Variants in AHCYL2 observed in about 807,000 individuals in gnomAD.
The protein encoded by AHCYL2 is adenosylhomocysteinase like 2, also known as S-adenosylhomocysteine hydrolase-like protein 2.
Under a neutral mutation model 81.4 loss-of-function variants are expected in AHCYL2, and 28 were observed. The ratio of observed to expected loss-of-function variants is 0.34; its 90% CI spans 0.25 to 0.47. The LOEUF (loss-of-function observed/expected upper bound fraction) is 0.47. Ranked by LOEUF, AHCYL2 falls within the 20% of genes least tolerant of loss-of-function variation. AHCYL2 has a pLI of 1.00. For synonymous variants in AHCYL2, 272 were observed against 290.2 expected (o/e 0.94, Z 0.64); for missense variants, 551 against 785.1 (o/e 0.70, Z 3.56).
rs1797477852 is a variant in AHCYL2, at chr7:129,429,136, T to A, written c.*2091T>A. 2 of 152,214 alleles carry A rather than the reference T, an allele frequency of 1.3e-5. No homozygotes were observed. The highest frequency in any genetic ancestry group is 4.8e-5 in the African/African-American group (2 of 41,458). 9.4% of individuals were successfully genotyped at this position (152,214 alleles called of 1,614,324 possible). ...ACTTAAAGAGTACATTCTGCCTTGC[T>A]GTAGTGAAGAGACCCACTCCAAATA... On this transcript the variant is annotated 3_prime_UTR_variant, in exon 17 of 17. Coordinates refer to ENST00000325006, the MANE Select transcript of AHCYL2 (RefSeq NM_015328.4).
At chr7:129,422,713 G>T (rs958770639) in intron 12 of AHCYL2, 127 bp from the exon 13 acceptor site, 2 of 729,074 alleles carry the variant, frequency 2.7e-6, no homozygotes, top group Admixed American at 2.3e-5. Context: ...CACAGGACAG[G>T]TATTCTCCAT....
intron 1 of AHCYL2, among the ~76,000 whole-genome samples, chr7:129,322,680 C>T (rs549800329): frequency 6.6e-6 from 1 of 152,292 alleles, no homozygotes. Flanking sequence ...CAGCCTCTGC[C>T]TCCTGGGCTC....
Position 129,406,372 on chromosome 7 carries a change from C to A in AHCYL2, c.1207-6C>A. 6.2e-7 allele frequency: 1 copy of A among 1,613,810 alleles called. No individual in the cohort carries two copies. The highest frequency in any genetic ancestry group is 2.2e-5 in the East Asian group (1 of 44,868). Reference sequence around the variant, plus strand: ...CCTTAATATGTGTGCTCTCTCCCCTCTTCAGGTGGGGAAAGGGTGCTGTGC... The same window carrying A: ...CCTTAATATGTGTGCTCTCTCCCCTATTCAGGTGGGGAAAGGGTGCTGTGC... On this transcript the variant is annotated splice_region_variant and splice_polypyrimidine_tract_variant and intron_variant, in intron 9 of 16. Coordinates refer to ENST00000325006, the MANE Select transcript of AHCYL2 (RefSeq NM_015328.4). The surrounding 1 kb of genome is among the most constrained non-coding windows in gnomAD (Gnocchi z 4.3).
chr7:129,274,855 G>C (rs1020738154), intron 1 of AHCYL2, among the ~76,000 whole-genome samples: 1 of 152,118 alleles, frequency 6.6e-6, no homozygotes, highest in Non-Finnish European at 1.5e-5. Context: ...AGCCCTAGCA[G>C]ACACCATCTG....
intron 1 of AHCYL2, among the ~76,000 whole-genome samples, chr7:129,333,120 A>G (rs1252909590): frequency 6.6e-6 from 1 of 152,070 alleles, no homozygotes; most frequent in Non-Finnish European, 1.5e-5. Flanking sequence ...AGGGAATAGC[A>G]TGGGATTTAT....
intron 1 of AHCYL2, among the ~76,000 whole-genome samples, chr7:129,326,579 TG>T (rs2150796884): frequency 6.6e-6 from 1 of 152,182 alleles, no homozygotes; most frequent in Admixed American, 6.6e-5. Flanking sequence ...CTAGTTTTAA[TG>T]GCAGGGGAAC....
intron 1 of AHCYL2, among the ~76,000 whole-genome samples, chr7:129,246,391 C>G (rs1338623586): frequency 6.6e-6 from 1 of 152,178 alleles, no homozygotes; most frequent in African/African-American, 2.4e-5. Context: ...CCTCCACAAT[C>G]CAGTTTCAGA....
chr7:129,248,515 T>C (rs1436178573), intron 1 of AHCYL2, among the ~76,000 whole-genome samples: 1 of 152,068 alleles, frequency 6.6e-6, no homozygotes, highest in Non-Finnish European at 1.5e-5. Context: ...TTTTTCTTTT[T>C]TTTTTTTAAA....
rs560254437 is a variant in AHCYL2 at position 129,233,389 on chromosome 7, C to T, written c.363+7950C>T. Among the ~76,000 whole-genome samples, 3 of 152,110 alleles carry T rather than the reference C, an allele frequency of 2.0e-5. No individual in the cohort carries two copies. The East Asian group carries it at 5.8e-4, about 29-fold the overall frequency. ...GTAGAGACGGTATCTTGCCATGTTG[C>T]AGGTCTCCAATTCTCGGGCTCAAGT... On this transcript the variant is annotated intron_variant, in intron 1 of 16. Coordinates refer to ENST00000325006, the MANE Select transcript of AHCYL2 (RefSeq NM_015328.4).
At chr7:129,345,273 T>C (rs1427996016) in intron 1 of AHCYL2, among the ~76,000 whole-genome samples, 1 of 152,248 alleles carries the variant, frequency 6.6e-6, no homozygotes, top group African/African-American at 2.4e-5. Flanking sequence ...TTATTTTCTT[T>C]TTTATATATA....
chr7:129,230,203 C>G (rs1031481766), intron 1 of AHCYL2, among the ~76,000 whole-genome samples: 1 of 151,460 alleles, frequency 6.6e-6, no homozygotes, highest in East Asian at 1.9e-4. Flanking sequence ...CTGTCTTGCC[C>G]TCCTGAGTAG....
chr7:129,410,262 C>T (rs1433981697), intron 11 of AHCYL2: 4 of 1,613,962 alleles, frequency 2.5e-6, no homozygotes, highest in Admixed American at 3.3e-5. Flanking sequence ...CCTACAACTT[C>T]CACATCTTCC....
chr7:129,340,317 C>T (rs1374012876), intron 1 of AHCYL2, among the ~76,000 whole-genome samples: 2 of 150,538 alleles, frequency 1.3e-5, no homozygotes, highest in East Asian at 4.0e-4. Flanking sequence ...CCTGTAATCC[C>T]AGCTCTTTGG....
intron 1 of AHCYL2, among the ~76,000 whole-genome samples, chr7:129,269,567 G>A (rs891954998): frequency 3.4e-5 from 5 of 145,526 alleles, no homozygotes; most frequent in Non-Finnish European, 6.0e-5. Context: ...GATTATAGGC[G>A]GGAGCCACTG....
Position 129,425,020 on chromosome 7 carries a change from T to G in AHCYL2, c.1630-43T>G, listed in dbSNP as rs752627075. 1.9e-6 allele frequency: 3 copies of G among 1,612,526 alleles called. No homozygotes were observed. The South Asian group carries it at 3.3e-5, about 18-fold the overall frequency. ...CCAGGTTTCACTTGCTTGGGTAGAT[T>G]GCCATGAATGGCACATCAGCATCCA... is the stretch of plus-strand genomic sequence containing the variant. On this transcript the variant is annotated intron_variant, in intron 14 of 16. Transcript: ENST00000325006.
intron 1 of AHCYL2, among the ~76,000 whole-genome samples, chr7:129,233,009 C>G (rs6942616): frequency 6.6e-6 from 1 of 152,166 alleles, no homozygotes; most frequent in East Asian, 1.9e-4. Flanking sequence ...TTCTTAGTTG[C>G]TGGCACTCAT....
chr7:129,321,490 C>G (rs147868229), intron 1 of AHCYL2, among the ~76,000 whole-genome samples: 2 of 152,110 alleles, frequency 1.3e-5, no homozygotes, highest in African/African-American at 4.8e-5. Flanking sequence ...CCAGACCAAT[C>G]TTGCATTATG....
rs995088110 is a variant in AHCYL2, at chr7:129,429,102, T to C, written c.*2057T>C. The C allele has an allele frequency of 9.2e-5, 14 of 152,240 alleles. No homozygotes were observed. Among genetic ancestry groups the C allele is most frequent in the African/African-American group, 3.4e-4 (14 of 41,460 alleles). The allele number at this position is 152,240 out of a possible 1,614,324, so 9.4% of individuals were successfully genotyped here. ...AAGCCTTGCTCTCTGGAGCTTACTATGTGCTGGTACTTAAAGAGTACATTC... is the reference window on the plus strand; with the variant it reads ...AAGCCTTGCTCTCTGGAGCTTACTACGTGCTGGTACTTAAAGAGTACATTC... On this transcript the variant is annotated 3_prime_UTR_variant, in exon 17 of 17. Transcript: ENST00000325006.
At chr7:129,239,531 C>T (rs1262296983) in intron 1 of AHCYL2, among the ~76,000 whole-genome samples, 3 of 151,578 alleles carry the variant, frequency 2.0e-5, no homozygotes, top group African/African-American at 2.4e-5. Flanking sequence ...ACTGCAGCCT[C>T]AAACTGCTGG....
Sources: allele counts gnomAD v4.1 joint callset (sites outside exome capture counted in the v4.1 genomes callset), GRCh38; gene constraint gnomAD v4.1.1; non-coding constraint Gnocchi (gnomAD v3.1); transcripts MANE v1.5; gene names NCBI Gene and HGNC (gene_info 2026-07-23, HGNC 2026-07-21).